NEDD4L: variants seen among roughly 807,000 people sequenced by gnomAD.
The protein encoded by NEDD4L is NEDD4 like E3 ubiquitin protein ligase.
In NEDD4L, 54 loss-of-function variants were observed where a neutral mutation model predicts 148.9. The observed-to-expected ratio is 0.36, with a 90% CI of 0.29 to 0.45. The LOEUF is 0.45. NEDD4L is among the 20% of genes least tolerant of loss of function. The probability of loss-of-function intolerance (pLI) is 1.00; values close to 1 mark genes in which losing one functional copy is unlikely to be tolerated. For synonymous variants in NEDD4L, 433 were observed against 440.7 expected (o/e 0.98, Z 0.22); for missense variants, 856 against 1,233.8 (o/e 0.69, Z 4.59).
intron 2 of NEDD4L, among the ~76,000 whole-genome samples, chr18:58,244,663 A>AT (rs1329733554): frequency 1.3e-5 from 2 of 151,548 alleles, no homozygotes; most frequent in Non-Finnish European, 2.9e-5. Context: ...TTTTGTTTTG[A>AT]TTTGTTTTTT....
chr18:58,127,445 C>A (rs567443877), intron 1 of NEDD4L, among the ~76,000 whole-genome samples: 31 of 152,220 alleles, frequency 2.0e-4, no homozygotes, highest in African/African-American at 7.2e-4. Flanking sequence ...GTGGCCCACA[C>A]CTGTAATCTC....
At chr18:58,103,255 GATATATT>G (rs113178458) in intron 1 of NEDD4L, among the ~76,000 whole-genome samples, 4 of 133,968 alleles carry the variant, frequency 3.0e-5, no homozygotes, top group Non-Finnish European at 6.0e-5. Flanking sequence ...TATATATGTG[GATATATT>G]ATATATTATA....
chr18:58,051,069 C>A (rs1370391494), intron 1 of NEDD4L, among the ~76,000 whole-genome samples: 3 of 152,110 alleles, frequency 2.0e-5, no homozygotes, highest in African/African-American at 7.2e-5. Flanking sequence ...CCAGCCTGGG[C>A]AATGTGGTGA....
intron 2 of NEDD4L, chr18:58,221,559 G>A (rs775836011): frequency 1.9e-5 from 19 of 985,258 alleles, no homozygotes; most frequent in African/African-American, 3.5e-5. Context: ...CGAGCTGGGC[G>A]CATTCCTTCT....
chr18:58,215,898 C>T (rs567659470), intron 2 of NEDD4L, among the ~76,000 whole-genome samples: 2 of 151,796 alleles, frequency 1.3e-5, no homozygotes, highest in East Asian at 3.9e-4. Flanking sequence ...GTACAATATC[C>T]TATTTATCAT....
At chr18:58,351,830 A>T (rs1442501976) in intron 18 of NEDD4L, among the ~76,000 whole-genome samples, 1 of 152,222 alleles carries the variant, frequency 6.6e-6, no homozygotes, top group East Asian at 1.9e-4. Flanking sequence ...TTGGTTCATG[A>T]ACAGAAAGTT....
In NEDD4L at chr18:58,396,391, G is replaced by A. The variant is rs146282328; in HGVS notation, c.*122G>A. 1,887 of 661,682 alleles carry A rather than the reference G, an allele frequency of 2.9e-3. 6 individuals carry two copies. Among genetic ancestry groups the A allele is most frequent in the Middle Eastern group, 8.2e-3 (24 of 2,926 alleles). The allele number at this position is 661,682 out of a possible 1,614,324, so 41.0% of individuals were successfully genotyped here. Reference sequence around the variant, plus strand: ...AGCTGCAGGCATGGTCCCTGGAGCCGAGCCTTCACCACGCACTCGTCCAAG... The same window carrying A: ...AGCTGCAGGCATGGTCCCTGGAGCCAAGCCTTCACCACGCACTCGTCCAAG... On this transcript the variant is annotated 3_prime_UTR_variant, in exon 31 of 31. Transcript: ENST00000400345.
Position 58,256,516 on chromosome 18 carries a change from C to T in NEDD4L, c.297+4462C>T. ...CCTCGTACCCCACGCAGCCCCGAAG[C>T]GAGCGAGGGAGCCCCACGGAAGATC... On this transcript the variant is annotated intron_variant, in intron 5 of 30. Coordinates refer to ENST00000400345, the MANE Select transcript of NEDD4L (RefSeq NM_001144967.3). This position sits in a 1 kb window ranked among gnomAD's most constrained non-coding sequence, Gnocchi z 5.2. 2.4e-6 allele frequency: 3 copies of T among 1,232,272 alleles called. No homozygotes were observed. Among genetic ancestry groups the T allele is most frequent in the Non-Finnish European group, 3.0e-6 (3 of 988,068 alleles). 76.3% of individuals were successfully genotyped at this position (1,232,272 alleles called of 1,614,324 possible).
rs1186078803 is a variant in NEDD4L at position 58,109,571 on chromosome 18, TG to T, written c.49-56216del. 3.0e-3 allele frequency among the ~76,000 whole-genome samples: 393 copies of T among 133,010 alleles called. 6 individuals carry two copies. The highest frequency in any genetic ancestry group is 0.011 in the African/African-American group (368 of 32,952). 87.3% of individuals were successfully genotyped at this position (133,010 alleles called of 152,430 possible). On this transcript the variant is annotated intron_variant, in intron 1 of 30. Transcript: ENST00000400345. ...GGGAACAACTAGGAGGTTTTTTTTTTGTTTTTTTTTTTTTTTTTGAGACGGA... is the reference window on the plus strand; with the variant it reads ...GGGAACAACTAGGAGGTTTTTTTTTTTTTTTTTTTTTTTTTTTGAGACGGA...
At chr18:58,193,022 G>A (rs1337432530) in intron 2 of NEDD4L, among the ~76,000 whole-genome samples, 1 of 152,218 alleles carries the variant, frequency 6.6e-6, no homozygotes, top group Non-Finnish European at 1.5e-5. Flanking sequence ...ACCTGTGGCA[G>A]TTGCAAAGGT....
Position 58,390,628 on chromosome 18 carries a change from T to G in NEDD4L, c.2656-18T>G. ...GGGTCACGTGGGGGGTATAATGACC[T>G]TCTGCCTCTGTTCATAGGCTGTGCT... On this transcript the variant is annotated intron_variant, in intron 28 of 30. Coordinates refer to ENST00000400345, the MANE Select transcript of NEDD4L (RefSeq NM_001144967.3). 1 of 1,548,428 alleles carries G rather than the reference T, an allele frequency of 6.5e-7. No homozygotes were observed. The highest frequency in any genetic ancestry group is 8.8e-7 in the Non-Finnish European group (1 of 1,136,862).
intron 2 of NEDD4L, among the ~76,000 whole-genome samples, chr18:58,174,780 A>T (rs539609390): frequency 6.6e-6 from 1 of 152,204 alleles, no homozygotes; most frequent in African/African-American, 2.4e-5. Context: ...ATCAAAAATT[A>T]ACATTTTTTT....
chr18:58,341,198 C>T (rs371846891), intron 14 of NEDD4L, 29 bp downstream of exon 14: 372 of 1,608,224 alleles, frequency 2.3e-4, no homozygotes, highest in Non-Finnish European at 2.9e-4. Flanking sequence ...AACTTAAAAC[C>T]GCAGGCCATA....
In NEDD4L at chr18:58,335,514, G is replaced by A. The variant is rs1232919338; in HGVS notation, c.1102G>A (p.Val368Ile). 1 of 1,613,492 alleles carries A rather than the reference G, an allele frequency of 6.2e-7. No individual in the cohort carries two copies. Among genetic ancestry groups the A allele is most frequent in the Non-Finnish European group, 8.5e-7 (1 of 1,179,572 alleles). The change falls in exon 13 of 31, where the codon GTC becomes ATC. Residue 368 changes from valine (V) to isoleucine (I), a missense_variant. Around this residue, in one of 4 missense-constraint regions of NEDD4L, gnomAD observed 367 missense variants for 422.7 expected, o/e 0.87. Coordinates refer to ENST00000400345, the MANE Select transcript of NEDD4L (RefSeq NM_001144967.3). Reference sequence around the variant, plus strand: ...AGCTGGGAGAGCGCGTTCATCAACTGTCACGGGTGGTGAGGAACCAACGGT... The same window carrying A: ...AGCTGGGAGAGCGCGTTCATCAACTATCACGGGTGGTGAGGAACCAACGGT... ...APAGRARSST[V>I]TGGEEPTPSV...
chr18:58,196,131 T>A (rs950361163), intron 2 of NEDD4L, among the ~76,000 whole-genome samples: 1 of 152,192 alleles, frequency 6.6e-6, no homozygotes, highest in Non-Finnish European at 1.5e-5. Context: ...TCATGCAGAG[T>A]TCAGAAATTT....
chr18:58,053,743 T>C (rs9989576), intron 1 of NEDD4L, among the ~76,000 whole-genome samples: 137,512 of 152,270 alleles, frequency 0.9, 62,180 homozygotes, highest in East Asian at 1. Flanking sequence ...GAATTCCCAT[T>C]GTGGGTAAAT....
intron 1 of NEDD4L, among the ~76,000 whole-genome samples, chr18:58,096,356 AT>A (rs33911620): frequency 2.9e-4 from 10 of 34,758 alleles, no homozygotes; most frequent in African/African-American, 1.7e-3. Flanking sequence ...TATTTATTTT[AT>A]TTTATTTTAT....
At position 58,119,348 on chromosome 18, in the gene NEDD4L, GA is replaced by G. The variant is rs1182634587; in HGVS notation, c.49-46435del. On this transcript the variant is annotated intron_variant, in intron 1 of 30. Transcript: ENST00000400345. Reference sequence around the variant, plus strand: ...GTGGGCACCTGTATACATTTGTGTTGAAAAAGGTACCCAGGCTATTCTGAGG... The same window carrying G: ...GTGGGCACCTGTATACATTTGTGTTGAAAAGGTACCCAGGCTATTCTGAGG... Among the ~76,000 whole-genome samples the G allele has an allele frequency of 2.0e-5, 3 of 152,240 alleles. No homozygotes were observed. In the East Asian group the frequency reaches 5.8e-4, roughly 29 times the overall value.
chr18:58,199,269 G>A (rs929539918), intron 2 of NEDD4L, among the ~76,000 whole-genome samples: 6 of 152,130 alleles, frequency 3.9e-5, no homozygotes, highest in Admixed American at 3.9e-4. Flanking sequence ...ATTGCTTAAA[G>A]CCGGTGGTTC....
Sources: gnomAD v4.1 joint callset for allele counts (sites outside exome capture counted in the v4.1 genomes callset) on GRCh38, gnomAD v4.1.1 for gene constraint, gnomAD v4.1.1 regional missense constraint, Gnocchi (gnomAD v3.1) non-coding constraint, MANE v1.5 for transcripts, NCBI Gene and HGNC (gene_info 2026-07-23, HGNC 2026-07-21) for gene names.